Variants in CSMD1 observed in about 807,000 individuals in gnomAD.
CSMD1 encodes CUB and sushi domain-containing protein 1.
A neutral mutation model predicts 417.5 loss-of-function variants in CSMD1; 213 were observed. The ratio of observed to expected loss-of-function variants is 0.51; its 90% CI spans 0.46 to 0.57. The LOEUF (loss-of-function observed/expected upper bound fraction) is 0.57, where lower values mean the gene tolerates loss of function less well. Ranked by LOEUF, CSMD1 falls within the 20% of genes least tolerant of loss-of-function variation. The pLI is 0.00. For missense variants in CSMD1, 6,923 were observed against 4,529.7 expected (o/e 1.53, Z -15.17); for synonymous variants, 2,862 against 1,736.8 (o/e 1.65, Z -16.11).
At chr8:3,281,269 C>A (rs1328146246) in intron 26 of CSMD1, among the ~76,000 whole-genome samples, 1 of 151,980 alleles carries the variant, frequency 6.6e-6, no homozygotes, top group Non-Finnish European at 1.5e-5. Flanking sequence ...ATAATGAAAC[C>A]CTGTCTAGGC....
intron 30 of CSMD1, among the ~76,000 whole-genome samples, chr8:3,208,922 T>C (rs1797448845): frequency 6.6e-6 from 1 of 152,194 alleles, no homozygotes; most frequent in African/African-American, 2.4e-5. Flanking sequence ...ATTGTGGGAA[T>C]TTGTGATCAT....
chr8:3,199,688 G>C (rs769386922), intron 33 of CSMD1, 26 bp downstream of exon 33: 78 of 1,501,948 alleles, frequency 5.2e-5, no homozygotes, highest in Non-Finnish European at 7.0e-5. Context: ...ACAGTGACAT[G>C]TGGAGACATG....
At chr8:4,075,866 T>C (rs1438254545) in intron 3 of CSMD1, among the ~76,000 whole-genome samples, 2 of 152,190 alleles carry the variant, frequency 1.3e-5, no homozygotes, top group African/African-American at 4.8e-5. Context: ...AGCCAGTTCA[T>C]ATCTGTTCTA....
intron 2 of CSMD1, among the ~76,000 whole-genome samples, chr8:4,463,307 T>C (rs1022894649): frequency 6.6e-6 from 1 of 152,180 alleles, no homozygotes; most frequent in East Asian, 1.9e-4. Flanking sequence ...AGGAGGTGTA[T>C]GGGTGTTTCA....
intron 5 of CSMD1, among the ~76,000 whole-genome samples, chr8:3,797,228 T>C (rs913605061): frequency 4.6e-5 from 7 of 151,870 alleles, no homozygotes; most frequent in African/African-American, 1.2e-4. Flanking sequence ...ACTTCAACCA[T>C]CTCTATTTTC....
intron 9 of CSMD1, 48 bp downstream of exon 9, chr8:3,586,088 C>T: frequency 6.3e-7 from 1 of 1,577,784 alleles, no homozygotes; most frequent in Non-Finnish European, 8.6e-7. Context: ...AAAATGCCAA[C>T]CTTAAAGAAA....
intron 2 of CSMD1, among the ~76,000 whole-genome samples, chr8:4,614,758 G>C (rs1416497984): frequency 6.6e-6 from 1 of 152,012 alleles, no homozygotes; most frequent in African/African-American, 2.4e-5. Context: ...TGTCACCTGA[G>C]ATAATAATTT....
intron 5 of CSMD1, among the ~76,000 whole-genome samples, chr8:3,915,405 CAA>C (rs778981187): frequency 0.2 from 15,113 of 74,910 alleles, 629 homozygotes; most frequent in East Asian, 0.35. Flanking sequence ...GACTCTGTCT[CAA>C]AAAAAAAAAA....
At chr8:3,729,581 C>G (rs1054989834) in intron 6 of CSMD1, among the ~76,000 whole-genome samples, 1 of 152,086 alleles carries the variant, frequency 6.6e-6, no homozygotes, top group African/African-American at 2.4e-5. Flanking sequence ...AGTAAGACTT[C>G]ATGACAACCT....
intron 1 of CSMD1, among the ~76,000 whole-genome samples, chr8:4,759,926 C>G (rs1052668761): frequency 3.3e-5 from 5 of 152,096 alleles, no homozygotes; most frequent in African/African-American, 1.2e-4. Context: ...GGGTATATAC[C>G]TAAACATGGA....
At chr8:3,365,561 A>G (rs541222617) in intron 20 of CSMD1, among the ~76,000 whole-genome samples, 32 of 152,352 alleles carry the variant, frequency 2.1e-4, no homozygotes, top group African/African-American at 7.7e-4. Context: ...GAGATTTGCT[A>G]CAACTTAAAA....
intron 6 of CSMD1, among the ~76,000 whole-genome samples, chr8:3,732,493 C>T (rs372859075): frequency 6.6e-6 from 1 of 151,956 alleles, no homozygotes; most frequent in Non-Finnish European, 1.5e-5. Context: ...GAACCATAAG[C>T]TCAATAGCTA....
At chr8:3,042,064 A>G (rs552528410) in intron 50 of CSMD1, among the ~76,000 whole-genome samples, 1 of 152,216 alleles carries the variant, frequency 6.6e-6, no homozygotes, top group East Asian at 1.9e-4. Context: ...CTCCCTCATC[A>G]TCACACAATG....
intron 3 of CSMD1, among the ~76,000 whole-genome samples, chr8:4,095,041 T>C (rs796088650): frequency 6.6e-5 from 10 of 152,254 alleles, no homozygotes; most frequent in African/African-American, 2.4e-4. Context: ...GAGAAAGTCA[T>C]GTAAGTAGTT....
intron 3 of CSMD1, among the ~76,000 whole-genome samples, chr8:4,366,178 G>A (rs1388973196): frequency 6.6e-6 from 1 of 152,008 alleles, no homozygotes; most frequent in Non-Finnish European, 1.5e-5. Flanking sequence ...TGCAGCATTT[G>A]GTTTTCTGTC....
intron 12 of CSMD1, 103 bp downstream of exon 12, chr8:3,468,609 T>A (rs1816915904): frequency 6.3e-6 from 4 of 639,974 alleles, no homozygotes; most frequent in Non-Finnish European, 1.1e-5. Context: ...TTATCAGCAT[T>A]GTTTGACTTG....
intron 1 of CSMD1, among the ~76,000 whole-genome samples, chr8:4,742,129 C>G (rs1289823282): frequency 6.9e-6 from 1 of 145,900 alleles, no homozygotes; most frequent in African/African-American, 2.5e-5. Flanking sequence ...TTCCCGGGTT[C>G]ACGCCATTCT....
chr8:4,050,796 G>A (rs892824787), intron 3 of CSMD1, among the ~76,000 whole-genome samples: 1 of 152,080 alleles, frequency 6.6e-6, no homozygotes, highest in Non-Finnish European at 1.5e-5. Context: ...TCCCTGAAAC[G>A]GTGAATTTAC....
At chr8:3,852,752 G>C (rs183840410) in intron 5 of CSMD1, among the ~76,000 whole-genome samples, 3 of 152,098 alleles carry the variant, frequency 2.0e-5, no homozygotes, top group East Asian at 3.9e-4. Flanking sequence ...TGCATCTCCC[G>C]CTGCACAGGT....
Sources: allele counts gnomAD v4.1 joint callset (sites outside exome capture counted in the v4.1 genomes callset), GRCh38; gene constraint gnomAD v4.1.1; transcripts MANE v1.5; gene names NCBI Gene and HGNC (gene_info 2026-07-23, HGNC 2026-07-21).